Variants in TCERG1L observed in about 807,000 individuals in gnomAD.
TCERG1L encodes transcription elongation regulator 1 like, also known as transcription elongation regulator 1-like protein.
In TCERG1L, 37 loss-of-function variants were observed where a neutral mutation model predicts 56.3. The observed-to-expected ratio is 0.66, with a 90% confidence interval of 0.51 to 0.87. The LOEUF is 0.87. Ranked by LOEUF, TCERG1L falls within the 40% of genes least tolerant of loss-of-function variation. TCERG1L has a pLI of 0.00. For missense variants in TCERG1L, 799 were observed against 774.2 expected (o/e 1.03, Z -0.38); for synonymous variants, 324 against 326.3 (o/e 0.99, Z 0.08).
intron 10 of TCERG1L, among the ~76,000 whole-genome samples, chr10:131,098,719 C>T (rs2133378692): frequency 6.6e-6 from 1 of 152,324 alleles, no homozygotes; most frequent in Admixed American, 6.5e-5. Flanking sequence ...CTTGGCTGCC[C>T]TCTCTGCAGG....
At chr10:131,201,171 C>G (rs990920387) in intron 4 of TCERG1L, among the ~76,000 whole-genome samples, 2 of 152,204 alleles carry the variant, frequency 1.3e-5, no homozygotes, top group African/African-American at 4.8e-5. Context: ...TCCTGAGAGT[C>G]AGGCCCACCA....
intron 4 of TCERG1L, among the ~76,000 whole-genome samples, chr10:131,176,259 T>C (rs1039323080): frequency 6.8e-6 from 1 of 146,936 alleles, no homozygotes; most frequent in African/African-American, 2.7e-5. Context: ...CAGAGACGGA[T>C]GCACACACAG....
intron 3 of TCERG1L, among the ~76,000 whole-genome samples, chr10:131,307,600 T>G (rs1453474684): frequency 1.3e-5 from 2 of 152,234 alleles, no homozygotes; most frequent in Non-Finnish European, 2.9e-5. Context: ...TAAAAATTCA[T>G]AAGATGATTA....
chr10:131,167,717 G>A (rs1413399746), intron 4 of TCERG1L, among the ~76,000 whole-genome samples: 1 of 152,240 alleles, frequency 6.6e-6, no homozygotes, highest in Non-Finnish European at 1.5e-5. Context: ...GGCCGCCATG[G>A]TGGGCCCTGG....
chr10:131,133,391 G>A (rs1488423698), intron 8 of TCERG1L, among the ~76,000 whole-genome samples: 3 of 152,190 alleles, frequency 2.0e-5, no homozygotes, highest in African/African-American at 7.2e-5. Context: ...CTTCATTTGG[G>A]TTCCTGTTGC....
At chr10:131,192,219 T>C (rs1371644707) in intron 4 of TCERG1L, among the ~76,000 whole-genome samples, 1 of 134,434 alleles carries the variant, frequency 7.4e-6, no homozygotes, top group East Asian at 2.0e-4. Context: ...GCAAAAAACA[T>C]GAACAGACAT....
intron 8 of TCERG1L, among the ~76,000 whole-genome samples, chr10:131,122,342 T>A (rs1845522503): frequency 1.3e-5 from 2 of 152,174 alleles, no homozygotes; most frequent in Non-Finnish European, 1.5e-5. Context: ...ACACCAGCCC[T>A]GAAGATTAGA....
intron 4 of TCERG1L, among the ~76,000 whole-genome samples, chr10:131,206,957 T>A (rs1845538002): frequency 6.6e-6 from 1 of 152,046 alleles, no homozygotes; most frequent in Non-Finnish European, 1.5e-5. Flanking sequence ...TGAAACTCTG[T>A]TTGTTCCTAA....
In TCERG1L at chr10:131,249,236, T is replaced by C. The variant is rs1846077994; in HGVS notation, c.856+11023A>G. On this transcript the variant is annotated intron_variant, in intron 4 of 11. Transcript: ENST00000368642. Reference sequence around the variant, plus strand: ...TACAGTCCATTGTCTTAAGCAGATATAAGTGATTGTTCCTGCCTTCTTAGC... The same window carrying C: ...TACAGTCCATTGTCTTAAGCAGATACAAGTGATTGTTCCTGCCTTCTTAGC... Among the ~76,000 whole-genome samples the C allele has an allele frequency of 2.0e-5, 3 of 152,250 alleles. No individual in the cohort carries two copies. The South Asian group carries it at 6.2e-4, about 31-fold the overall frequency.
chr10:131,131,074 C>T (rs1040458390), intron 8 of TCERG1L, among the ~76,000 whole-genome samples: 5 of 152,214 alleles, frequency 3.3e-5, no homozygotes, highest in South Asian at 2.1e-4. Context: ...GGGCCACAGC[C>T]GCACAAAACA....
intron 8 of TCERG1L, among the ~76,000 whole-genome samples, chr10:131,132,112 G>A (rs1190612972): frequency 6.6e-6 from 1 of 152,182 alleles, no homozygotes; most frequent in Non-Finnish European, 1.5e-5. Context: ...GGGAAAACCT[G>A]CCCTATGGTG....
chr10:131,159,683 C>T (rs997260332), intron 6 of TCERG1L, among the ~76,000 whole-genome samples: 4 of 122,726 alleles, frequency 3.3e-5, no homozygotes, highest in Admixed American at 7.6e-5. Flanking sequence ...CATAGAGCCA[C>T]CCCCCAACCC....
chr10:131,267,756 A>C lies in TCERG1L; in HGVS notation c.671-7312T>G, dbSNP rs1846301204. Among the ~76,000 whole-genome samples, 1 of 152,164 alleles carries C rather than the reference A, an allele frequency of 6.6e-6. No homozygotes were observed. The highest frequency in any genetic ancestry group is 1.5e-5 in the Non-Finnish European group (1 of 68,020). ...TGGCACAGTTGGCTGCCTTGGGGAC[A>C]TGGGGCACAGGGAACCCCACTGCTG... On this transcript the variant is annotated intron_variant, in intron 3 of 11. Transcript: ENST00000368642. The surrounding 1 kb of genome is among the most constrained non-coding windows in gnomAD (Gnocchi z 4.9).
intron 4 of TCERG1L, among the ~76,000 whole-genome samples, chr10:131,190,046 AAG>A (rs2133461386): frequency 6.6e-6 from 1 of 152,368 alleles, no homozygotes; most frequent in Non-Finnish European, 1.5e-5. Context: ...CCAAGAAAAG[AAG>A]AGAGAAGATC....
At chr10:131,296,077 T>C (rs2133578083) in intron 3 of TCERG1L, among the ~76,000 whole-genome samples, 1 of 152,326 alleles carries the variant, frequency 6.6e-6, no homozygotes, top group South Asian at 2.1e-4. Flanking sequence ...TTTTATTTTA[T>C]GAAAAGTGAT....
At chr10:131,202,450 C>T (rs190834710) in intron 4 of TCERG1L, among the ~76,000 whole-genome samples, 103 of 152,204 alleles carry the variant, frequency 6.8e-4, no homozygotes, top group Non-Finnish European at 1.2e-3. Context: ...GGCGTGGTGG[C>T]GAGTGCCTGT....
chr10:131,141,386 G>A (rs527486041), intron 7 of TCERG1L, among the ~76,000 whole-genome samples: 62 of 151,482 alleles, frequency 4.1e-4, no homozygotes, highest in Admixed American at 9.9e-4. Flanking sequence ...GTGAGTGACC[G>A]TGCCTCAGGG....
At chr10:131,172,633 G>A (rs551073045) in intron 4 of TCERG1L, among the ~76,000 whole-genome samples, 30 of 152,330 alleles carry the variant, frequency 2.0e-4, no homozygotes, top group Non-Finnish European at 3.4e-4. Context: ...AGCAGACCCT[G>A]AGACCAGCTC....
intron 4 of TCERG1L, among the ~76,000 whole-genome samples, chr10:131,217,888 A>AT (rs957984025): frequency 6.6e-5 from 10 of 150,946 alleles, no homozygotes; most frequent in Admixed American, 2.6e-4. Flanking sequence ...CGCCCGGCTA[A>AT]TTTTTTTTTG....
Sources: gnomAD v4.1 joint callset for allele counts (sites outside exome capture counted in the v4.1 genomes callset) on GRCh38, gnomAD v4.1.1 for gene constraint, Gnocchi (gnomAD v3.1) non-coding constraint, MANE v1.5 for transcripts, NCBI Gene and HGNC (gene_info 2026-07-23, HGNC 2026-07-21) for gene names.